REXO5: variants seen among roughly 807,000 people sequenced by gnomAD.
REXO5 encodes exonuclease NEF-sp.
In REXO5, 48 loss-of-function variants were observed where a neutral mutation model predicts 88.5. The ratio of observed to expected loss-of-function variants is 0.54; its 90% confidence interval spans 0.43 to 0.69. REXO5 has a LOEUF of 0.69. REXO5 is among the 30% of genes least tolerant of loss of function. The pLI, the probability that REXO5 is intolerant of heterozygous loss-of-function variation, is 0.00. For synonymous variants in REXO5, 311 were observed against 336.5 expected (o/e 0.92, Z 0.83); for missense variants, 749 against 912.2 (o/e 0.82, Z 2.30).
intron 11 of REXO5, among the ~76,000 whole-genome samples, chr16:20,829,695 T>C (rs1461029658): frequency 6.6e-6 from 1 of 152,180 alleles, no homozygotes; most frequent in East Asian, 1.9e-4. Flanking sequence ...TATTTAATCC[T>C]CACAACAGCC....
intron 10 of REXO5, among the ~76,000 whole-genome samples, chr16:20,828,012 T>G (rs1023280926): frequency 6.6e-6 from 1 of 152,210 alleles, no homozygotes; most frequent in African/African-American, 2.4e-5. Flanking sequence ...TATCTATAAA[T>G]ATATACATAT....
intron 11 of REXO5, among the ~76,000 whole-genome samples, chr16:20,829,657 G>A (rs2081311171): frequency 6.6e-6 from 1 of 152,152 alleles, no homozygotes. Flanking sequence ...TAAGTGTACT[G>A]TTCTAAAATG....
chr16:20,837,621 T>C (rs1376344925), intron 13 of REXO5, among the ~76,000 whole-genome samples: 2 of 152,230 alleles, frequency 1.3e-5, no homozygotes, highest in Non-Finnish European at 2.9e-5. Context: ...AGTTGCTTTT[T>C]CATATCCTCA....
chr16:20,846,121 G>A, intron 18 of REXO5, 100 bp from the exon 19 acceptor site: 2 of 913,676 alleles, frequency 2.2e-6, no homozygotes, highest in Non-Finnish European at 1.8e-6. Flanking sequence ...ACCTTTACTG[G>A]AATCCCATAG....
chr16:20,828,048 A>G (rs2081284940), intron 10 of REXO5, among the ~76,000 whole-genome samples: 6 of 152,214 alleles, frequency 3.9e-5, no homozygotes, highest in Admixed American at 3.9e-4. Context: ...AACACCTAAG[A>G]AAGTATTTAA....
intron 2 of REXO5, among the ~76,000 whole-genome samples, chr16:20,810,311 A>G (rs768438557): frequency 3.9e-5 from 6 of 152,098 alleles, no homozygotes; most frequent in Non-Finnish European, 7.4e-5. Flanking sequence ...ACATTTAAAT[A>G]TTTTTCTGTA....
intron 19 of REXO5, among the ~76,000 whole-genome samples, chr16:20,847,656 A>G (rs556798275): frequency 2.0e-5 from 3 of 152,058 alleles, no homozygotes; most frequent in African/African-American, 4.8e-5. Context: ...CATTGAGGGG[A>G]AAAAAAATCT....
intron 4 of REXO5, 143 bp downstream of exon 4, chr16:20,815,196 A>T: frequency 2.6e-6 from 2 of 757,030 alleles, no homozygotes; most frequent in Non-Finnish European, 4.0e-6. Flanking sequence ...TAGAGGCCTC[A>T]TGTAGATTTG....
intron 2 of REXO5, among the ~76,000 whole-genome samples, chr16:20,808,200 G>A (rs1228623312): frequency 1.3e-5 from 2 of 152,104 alleles, no homozygotes; most frequent in Non-Finnish European, 1.5e-5. Context: ...ACACGAAACC[G>A]GTCCCTGGTG....
chr16:20,815,129 T>C, intron 4 of REXO5, 76 bp downstream of exon 4: 1 of 1,487,622 alleles, frequency 6.7e-7, no homozygotes, highest in Non-Finnish European at 9.0e-7. Flanking sequence ...TCAGGGACCA[T>C]GCTCCTTGGC....
chr16:20,846,656 G>A (rs2081611699), intron 19 of REXO5, among the ~76,000 whole-genome samples: 1 of 152,138 alleles, frequency 6.6e-6, no homozygotes, highest in Non-Finnish European at 1.5e-5. Flanking sequence ...CTCAGAACAA[G>A]CCCTAGGCTT....
rs1250151838 is a variant in REXO5, at chr16:20,833,106, T to G, written c.1366T>G (p.Cys456Gly). 1.2e-6 allele frequency: 2 copies of G among 1,613,450 alleles called. No homozygotes were observed. Among genetic ancestry groups the G allele is most frequent in the South Asian group, 1.1e-5 (1 of 91,018 alleles). ...TTCCAGAAATTGTCAAACTATTAAGTGTCTTTCAAATAAAGAGGTGAGTGG... is the reference window on the plus strand; with the variant it reads ...TTCCAGAAATTGTCAAACTATTAAGGGTCTTTCAAATAAAGAGGTGAGTGG... ...PSSRNCQTIK[C>G]LSNKEVLEQA... Residue 456 changes from cysteine to glycine, a missense_variant, in exon 13 of 20, where the codon TGT (cysteine) becomes GGT (glycine). Cys to Gly is a radical substitution (Grantham distance 159, BLOSUM62 -3). Coordinates refer to ENST00000261377, the MANE Select transcript of REXO5 (RefSeq NM_030941.3).
intron 2 of REXO5, among the ~76,000 whole-genome samples, chr16:20,809,767 A>C (rs2080968220): frequency 6.6e-6 from 1 of 152,174 alleles, no homozygotes; most frequent in African/African-American, 2.4e-5. Flanking sequence ...GGATCTTGCT[A>C]TATTGCCCAG....
Position 20,846,334 on chromosome 16 carries a change from CAA to C in REXO5, c.2239_2240del (p.Lys747GlufsTer43). ...TCTGCCTCATCCTGCTGCCAGGAAC[CAA>C]GAGGTAAGGACTAGAAAGGGTATCC... Reference protein sequence around the residue: ...TLCLILLPGTKSTHGSLSGLG... With the variant: ...TLCLILLPGTXSTHGSLSGLG... On this transcript the variant is annotated frameshift_variant, in exon 19 of 20. Transcript: ENST00000261377. LOFTEE classifies it high-confidence loss of function. The C allele has an allele frequency of 6.2e-7, 1 of 1,611,944 alleles. No homozygotes were observed. The highest frequency in any genetic ancestry group is 8.5e-7 in the Non-Finnish European group (1 of 1,178,062).
intron 4 of REXO5, 132 bp from the exon 5 acceptor site, chr16:20,815,984 T>C: frequency 1.5e-6 from 1 of 681,682 alleles, no homozygotes. Flanking sequence ...AAGGAAACAG[T>C]TCTTATTTTA....
intron 13 of REXO5, among the ~76,000 whole-genome samples, chr16:20,838,547 C>T (rs2081474485): frequency 6.6e-6 from 1 of 152,140 alleles, no homozygotes; most frequent in Non-Finnish European, 1.5e-5. Flanking sequence ...CATGACCTCC[C>T]AAACCTGTTC....
intron 5 of REXO5, among the ~76,000 whole-genome samples, chr16:20,821,387 C>T (rs993605544): frequency 2.6e-5 from 4 of 152,102 alleles, no homozygotes; most frequent in African/African-American, 9.7e-5. Context: ...CTCGGGTTCA[C>T]GCCATTCTGC....
At chr16:20,841,414 G>A (rs1254774692) in intron 15 of REXO5, among the ~76,000 whole-genome samples, 1 of 152,070 alleles carries the variant, frequency 6.6e-6, no homozygotes, top group East Asian at 1.9e-4. Flanking sequence ...GGCCTCTAGG[G>A]GGAAGAATTA....
chr16:20,812,946 C>A (rs1021454940), intron 2 of REXO5, among the ~76,000 whole-genome samples: 10 of 152,164 alleles, frequency 6.6e-5, no homozygotes, highest in Non-Finnish European at 1.0e-4. Context: ...CTTTATTTAT[C>A]CTATTCCTAG....
Sources: allele counts gnomAD v4.1 joint callset (sites outside exome capture counted in the v4.1 genomes callset), GRCh38; gene constraint gnomAD v4.1.1; transcripts MANE v1.5; gene names NCBI Gene and HGNC (gene_info 2026-07-23, HGNC 2026-07-21).